MAMSTR: variants seen among roughly 807,000 people sequenced by gnomAD.
MAMSTR encodes MEF2-activating motif and SAP domain-containing transcriptional regulator.
In MAMSTR, 41 loss-of-function variants were observed where a neutral mutation model predicts 42.7. The ratio of observed to expected loss-of-function variants is 0.96; its 90% CI spans 0.75 to 1.25. The LOEUF is 1.25. MAMSTR is among the 50% of genes most tolerant of loss of function. MAMSTR has a pLI of 0.00. For missense variants in MAMSTR, 567 were observed against 557.6 expected, an observed-to-expected ratio of 1.02 and a Z score of -0.17; for synonymous variants, 265 against 244.1, an observed-to-expected ratio of 1.09 and a Z score of -0.80.
At chr19:48,716,620 G>T in intron 3 of MAMSTR, 85 bp downstream of exon 3, 1 of 1,277,898 alleles carries the variant, frequency 7.8e-7, no homozygotes, top group South Asian at 2.5e-5. Context: ...AGGAACCAAT[G>T]AGGGGTATCT....
At position 48,713,326 on chromosome 19, in the gene MAMSTR, C is replaced by CGGAGAAG; in HGVS notation, c.1182_1188dup (p.Ala397LeufsTer4). On this transcript the variant is annotated frameshift_variant, in exon 10 of 10. Transcript: ENST00000318083. LOFTEE classifies it high-confidence loss of function. ...CTGCTGCTGGAGTCAGATAAGTCAG[C>CGGAGAAG]GGAGAAGATGCTGGGGGGTGGGGGA... The CGGAGAAG allele has an allele frequency of 6.2e-7, 1 of 1,608,078 alleles. No homozygotes were observed. The highest frequency in any genetic ancestry group is 8.5e-7 in the Non-Finnish European group (1 of 1,178,464).
rs35058019 is a variant in MAMSTR, at chr19:48,716,374, CAAAA to C, written c.97+327_97+330del. Among the ~76,000 whole-genome samples, 148 of 65,016 alleles carry C rather than the reference CAAAA, an allele frequency of 2.3e-3. 2 individuals are homozygous for C. The highest frequency in any genetic ancestry group is 8.7e-4 in the Non-Finnish European group (32 of 36,650). The allele number at this position is 65,016 out of a possible 152,430, so 42.7% of individuals were successfully genotyped here. ...CTGGCGACAGAGCAAGATTCCATCT[CAAAA>C]AAAAAAAAAAAAAAAAAAGCTATAT... On this transcript the variant is annotated intron_variant, in intron 3 of 9. Transcript: ENST00000318083.
rs553508308 is a variant in MAMSTR, at chr19:48,712,944, A to T, written c.*323T>A. 2.8e-5 allele frequency: 7 copies of T among 247,086 alleles called. No individual in the cohort carries two copies. Among genetic ancestry groups the T allele is most frequent in the African/African-American group, 1.4e-4 (6 of 44,352 alleles). The allele number at this position is 247,086 out of a possible 1,614,324, so 15.3% of individuals were successfully genotyped here. On this transcript the variant is annotated 3_prime_UTR_variant, in exon 10 of 10. Coordinates refer to ENST00000318083, the MANE Select transcript of MAMSTR (RefSeq NM_001130915.2). ...AACCACCTTCCAGGCTCCCCAAACA[A>T]CAGGGAGCCATCTACCGGGGTCGGG...
At chr19:48,712,005 C>G (rs1365943942), downstream of MAMSTR, among the ~76,000 whole-genome samples, 2 of 152,248 alleles carry the variant, frequency 1.3e-5, no homozygotes, top group African/African-American at 4.8e-5. Context: ...ATCCGCCCAC[C>G]TTGGCCTCCC....
At chr19:48,714,955 G>A (rs766017053) in intron 5 of MAMSTR, 47 bp from the exon 6 acceptor site, 2 of 1,280,192 alleles carry the variant, frequency 1.6e-6, no homozygotes, top group African/African-American at 1.5e-5. Context: ...AGGTAGAGGG[G>A]GAAAAGGCGT....
intron 2 of MAMSTR, chr19:48,716,975 C>G: frequency 1.7e-6 from 2 of 1,163,398 alleles, no homozygotes; most frequent in Non-Finnish European, 2.1e-6. Flanking sequence ...ACGAGCCAGC[C>G]AGCGTGCAGG....
At chr19:48,717,566 G>C (rs189396618) in intron 2 of MAMSTR, among the ~76,000 whole-genome samples, 5 of 139,884 alleles carry the variant, frequency 3.6e-5, no homozygotes, top group Admixed American at 2.3e-4. Context: ...ACAAAGTCTC[G>C]CTCTGTCACC....
At chr19:48,715,957 C>T (rs1248701359) in intron 3 of MAMSTR, 190 bp from the exon 4 acceptor site, 1 of 1,391,362 alleles carries the variant, frequency 7.2e-7, no homozygotes, top group African/African-American at 1.5e-5. Context: ...TTGCTACATT[C>T]TCAAGTAAAG....
chr19:48,719,152 C>G lies in MAMSTR; in HGVS notation c.-21-100G>C. On this transcript the variant is annotated intron_variant, in intron 1 of 9. Transcript: ENST00000318083. This position sits in a 1 kb window ranked among gnomAD's most constrained non-coding sequence, Gnocchi z 4.4. ...GAGTGAATTCAGCAGGGAAAGGGCC[C>G]GAAGGAGGTGGGAATAGGAGCAGCC... is the stretch of plus-strand genomic sequence containing the variant. The G allele has an allele frequency of 1.2e-6, 1 of 818,628 alleles. No homozygotes were observed. Among genetic ancestry groups the G allele is most frequent in the Non-Finnish European group, 2.0e-6 (1 of 498,380 alleles). The allele number at this position is 818,628 out of a possible 1,614,324, so 50.7% of individuals were successfully genotyped here.
At chr19:48,714,333 C>T in intron 7 of MAMSTR, 33 bp downstream of exon 7, 1 of 1,353,270 alleles carries the variant, frequency 7.4e-7, no homozygotes, top group Non-Finnish European at 9.5e-7. Flanking sequence ...GCTTTCTCTT[C>T]ATTGGTCCGC....
the MAMSTR span, among the ~76,000 whole-genome samples, chr19:48,706,551 C>T: frequency 7.9e-5 from 12 of 151,984 alleles, no homozygotes; most frequent in Admixed American, 6.6e-4. Context: ...ACAGAAGAAT[C>T]GCTTGAACCT....
intron 6 of MAMSTR, 62 bp from the exon 7 acceptor site, chr19:48,714,622 G>A: frequency 7.0e-7 from 1 of 1,426,282 alleles, no homozygotes; most frequent in East Asian, 2.4e-5. Flanking sequence ...GCAGGCAGGA[G>A]CTGGACAGGA....
In MAMSTR at chr19:48,713,703, G is replaced by A; in HGVS notation, c.964+13C>T. On this transcript the variant is annotated intron_variant, in intron 9 of 9. Transcript: ENST00000318083. ...GCCCCCACCTCCCCTAAATCTAGCAGTTTGGATCCTACCATCAGGCTCCAC... is the reference window on the plus strand; with the variant it reads ...GCCCCCACCTCCCCTAAATCTAGCAATTTGGATCCTACCATCAGGCTCCAC... The A allele has an allele frequency of 6.2e-7, 1 of 1,614,158 alleles. No individual in the cohort carries two copies.
rs778328645 is a variant in MAMSTR, at chr19:48,715,632, G to T, written c.233C>A (p.Pro78Gln). 6.5e-7 allele frequency: 1 copy of T among 1,540,030 alleles called. No homozygotes were observed. The highest frequency in any genetic ancestry group is 8.7e-7 in the Non-Finnish European group (1 of 1,143,944). The change falls in exon 4 of 10, where the codon CCA becomes CAA. Residue 78 changes from proline to glutamine, a missense_variant. Transcript: ENST00000318083. ...EPEYCPPWRS[P>Q]KKESPKISQR... ...CCTCCAGTCGAGACTCACCTTCTTT[G>T]GGGACCTCCAAGGAGGACAATATTC...
At chr19:48,709,444 A>C (rs1026552705), downstream of MAMSTR, among the ~76,000 whole-genome samples, 4 of 152,270 alleles carry the variant, frequency 2.6e-5, no homozygotes, top group African/African-American at 9.6e-5. Flanking sequence ...CACTGCGCCC[A>C]GCCTGGTCTA....
chr19:48,718,027 G>C (rs1301310691), intron 2 of MAMSTR, among the ~76,000 whole-genome samples: 1 of 152,130 alleles, frequency 6.6e-6, no homozygotes, highest in Non-Finnish European at 1.5e-5. Context: ...ATTTTTAGTA[G>C]AGACATGGTT....
downstream of MAMSTR, among the ~76,000 whole-genome samples, chr19:48,712,106 T>C (rs1377146346): frequency 6.6e-6 from 1 of 152,122 alleles, no homozygotes; most frequent in Admixed American, 6.6e-5. Flanking sequence ...TTGGCCAGGC[T>C]GGTCTTGAAT....
rs531455108 is a variant in MAMSTR, at chr19:48,716,965, A to G, written c.59-222T>C. 3.4e-6 allele frequency: 4 copies of G among 1,172,452 alleles called. No homozygotes were observed. In the African/African-American group the frequency reaches 4.8e-5, roughly 14 times the overall value. 72.6% of individuals were successfully genotyped at this position (1,172,452 alleles called of 1,614,324 possible). A position where few individuals can be genotyped will look rare whatever the true frequency, so the allele number is the denominator to read the frequency against. ...CGCGGGCCAGCGCCATTCTGGGGCT[A>G]CGAGCCAGCCAGCGTGCAGGCTGGA... On this transcript the variant is annotated intron_variant, in intron 2 of 9. Transcript: ENST00000318083.
At chr19:48,709,926 G>A (rs1417157977), downstream of MAMSTR, among the ~76,000 whole-genome samples, 2 of 151,902 alleles carry the variant, frequency 1.3e-5, no homozygotes, top group South Asian at 2.1e-4. Flanking sequence ...CTGGAGTGCA[G>A]TGGCGTGATC....
Sources: allele counts gnomAD v4.1 joint callset (sites outside exome capture counted in the v4.1 genomes callset), GRCh38; gene constraint gnomAD v4.1.1; non-coding constraint Gnocchi (gnomAD v3.1); transcripts MANE v1.5; gene names NCBI Gene and HGNC (gene_info 2026-07-23, HGNC 2026-07-21).